Variants in DESI2 observed in about 807,000 individuals in gnomAD.
DESI2 encodes deubiquitinase DESI2.
DESI2 carries 10 observed loss-of-function variants against 24.1 expected under a neutral mutation model. The observed-to-expected ratio is 0.41, with a 90% confidence interval of 0.26 to 0.70. The LOEUF (loss-of-function observed/expected upper bound fraction) is 0.70. Ranked by LOEUF, DESI2 falls within the 30% of genes least tolerant of loss-of-function variation. The pLI, the probability that DESI2 is intolerant of heterozygous loss-of-function variation, is 0.29. For missense variants in DESI2, 122 were observed against 234.9 expected (o/e 0.52, Z 3.14); for synonymous variants, 71 against 87.7 (o/e 0.81, Z 1.06).
At chr1:244,655,815 A>G (rs187460155) in intron 1 of DESI2, among the ~76,000 whole-genome samples, 3 of 152,356 alleles carry the variant, frequency 2.0e-5, no homozygotes, top group Middle Eastern at 3.4e-3. Flanking sequence ...CAGTATAACT[A>G]GAGTAGAGCA....
chr1:244,703,056 C>T (rs371118955), intron 4 of DESI2, among the ~76,000 whole-genome samples: 1 of 141,954 alleles, frequency 7.0e-6, no homozygotes, highest in South Asian at 2.3e-4. Flanking sequence ...GGCTGGAGTG[C>T]AGTGGCACGA....
chr1:244,708,202 T>C lies in DESI2; in HGVS notation c.*2413T>C, dbSNP rs898634997. On this transcript the variant is annotated 3_prime_UTR_variant, in exon 5 of 5. Transcript: ENST00000302550. ...ATTAACATACATATGATACGGAGTC[T>C]CTTTGTTGTCACCAAGTGAACATAC... 6.6e-6 allele frequency: 1 copy of C among 152,500 alleles called. No homozygotes were observed. The highest frequency in any genetic ancestry group is 1.9e-4 in the East Asian group (1 of 5,182). 9.4% of individuals were successfully genotyped at this position (152,500 alleles called of 1,614,324 possible).
intron 1 of DESI2, among the ~76,000 whole-genome samples, chr1:244,676,821 T>C (rs931341239): frequency 1.3e-4 from 19 of 147,878 alleles, no homozygotes; most frequent in African/African-American, 4.7e-4. Flanking sequence ...ATTTTATATA[T>C]ATATATCATG....
In DESI2 at chr1:244,675,330, T is replaced by A. The variant is rs538001511; in HGVS notation, c.43-11267T>A. On this transcript the variant is annotated intron_variant, in intron 1 of 4. Coordinates refer to ENST00000302550, the MANE Select transcript of DESI2 (RefSeq NM_016076.5). ...ATCAATTTTTTTCTTTTGTTGCTTTTGCTTTTGGTGTCATATCTATGAAGC... is the reference window on the plus strand; with the variant it reads ...ATCAATTTTTTTCTTTTGTTGCTTTAGCTTTTGGTGTCATATCTATGAAGC... 1.8e-4 allele frequency among the ~76,000 whole-genome samples: 28 copies of A among 152,346 alleles called. No homozygotes were observed. In the East Asian group the frequency reaches 2.5e-3, roughly 14 times the overall value.
intron 1 of DESI2, chr1:244,654,086 T>G: frequency 4.3e-6 from 2 of 465,320 alleles, no homozygotes; most frequent in South Asian, 3.1e-5. Flanking sequence ...TATTGTATCA[T>G]CTAACTTTGG....
intron 1 of DESI2, among the ~76,000 whole-genome samples, chr1:244,681,692 G>A (rs950066865): frequency 2.6e-5 from 4 of 152,220 alleles, no homozygotes; most frequent in African/African-American, 9.7e-5. Flanking sequence ...CTCAGTTTGA[G>A]ATTTCTTTGC....
intron 1 of DESI2, among the ~76,000 whole-genome samples, chr1:244,660,632 G>A (rs527904538): frequency 2.4e-3 from 362 of 152,238 alleles, no homozygotes; most frequent in Admixed American, 4.2e-3. Context: ...TGTAAGAAAG[G>A]CAAAAATAAT....
chr1:244,678,344 G>C (rs1204707256), intron 1 of DESI2, among the ~76,000 whole-genome samples: 1 of 152,118 alleles, frequency 6.6e-6, no homozygotes, highest in African/African-American at 2.4e-5. Flanking sequence ...GGAATTTTCA[G>C]ACTGAAGAAG....
intron 1 of DESI2, among the ~76,000 whole-genome samples, chr1:244,668,296 CT>C (rs1386962890): frequency 6.6e-6 from 1 of 152,108 alleles, no homozygotes; most frequent in Admixed American, 6.5e-5. Context: ...AATAGTGTTT[CT>C]CAATTTTTAT....
At chr1:244,654,003 A>G (rs937503752) in intron 1 of DESI2, 2 of 471,198 alleles carry the variant, frequency 4.2e-6, no homozygotes, top group Non-Finnish European at 4.4e-6. Context: ...CTCCTTTCCT[A>G]CACTCTGAAG....
At chr1:244,692,137 A>AAAT (rs1677051385) in intron 4 of DESI2, 117 bp downstream of exon 4, 1 of 915,780 alleles carries the variant, frequency 1.1e-6, no homozygotes, top group African/African-American at 1.7e-5. Context: ...GTGTTGTATG[A>AAAT]AATATGGTAT....
rs189819909 is a variant in DESI2 at position 244,688,727 on chromosome 1, T to G, written c.116-522T>G. 1.2e-4 allele frequency among the ~76,000 whole-genome samples: 19 copies of G among 152,320 alleles called. No homozygotes were observed. The East Asian group carries it at 3.7e-3, about 29-fold the overall frequency. ...GGGTGGATGGGTATGTGTGTTAATTTGGCAGTTTATTTTTTTCTTACATGA... is the reference window on the plus strand; with the variant it reads ...GGGTGGATGGGTATGTGTGTTAATTGGGCAGTTTATTTTTTTCTTACATGA... On this transcript the variant is annotated intron_variant, in intron 2 of 4. Coordinates refer to ENST00000302550, the MANE Select transcript of DESI2 (RefSeq NM_016076.5).
At chr1:244,679,417 A>G (rs978981632) in intron 1 of DESI2, among the ~76,000 whole-genome samples, 2 of 152,188 alleles carry the variant, frequency 1.3e-5, no homozygotes, top group Admixed American at 1.3e-4. Flanking sequence ...GAAGAGTACA[A>G]TCTGTATATA....
chr1:244,670,137 A>G (rs1009254622), intron 1 of DESI2, among the ~76,000 whole-genome samples: 1 of 151,946 alleles, frequency 6.6e-6, no homozygotes, highest in South Asian at 2.1e-4. Flanking sequence ...TTGTATTTTT[A>G]GTAGAGATGG....
Position 244,689,441 on chromosome 1 carries a change from G to C in DESI2, c.209+99G>C. On this transcript the variant is annotated intron_variant, in intron 3 of 4. Transcript: ENST00000302550. The surrounding 1 kb of genome is among the most constrained non-coding windows in gnomAD (Gnocchi z 4.0). ...CTGTAAATCAAAACAAACCCAAGAA[G>C]TTAAAAATGTCTCTTTGTTTTAATT... 1 of 598,258 alleles carries C rather than the reference G, an allele frequency of 1.7e-6. No homozygotes were observed. The highest frequency in any genetic ancestry group is 3.0e-6 in the Non-Finnish European group (1 of 333,074). 37.1% of individuals were successfully genotyped at this position (598,258 alleles called of 1,614,324 possible).
At chr1:244,687,405 C>T (rs1558662637) in intron 2 of DESI2, among the ~76,000 whole-genome samples, 1 of 152,176 alleles carries the variant, frequency 6.6e-6, no homozygotes, top group Non-Finnish European at 1.5e-5. Context: ...CTGCGTAAGA[C>T]AGATCACATT....
At chr1:244,667,542 A>G (rs1180015515) in intron 1 of DESI2, among the ~76,000 whole-genome samples, 1 of 152,228 alleles carries the variant, frequency 6.6e-6, no homozygotes, top group Non-Finnish European at 1.5e-5. Context: ...AGAGGCACAG[A>G]TAAGTTAACT....
chr1:244,673,199 C>A (rs1194036038), intron 1 of DESI2, among the ~76,000 whole-genome samples: 1 of 152,122 alleles, frequency 6.6e-6, no homozygotes, highest in Non-Finnish European at 1.5e-5. Flanking sequence ...GCCTTCCAGG[C>A]GTGTTCTCTA....
intron 1 of DESI2, among the ~76,000 whole-genome samples, chr1:244,658,535 C>T (rs1378219272): frequency 3.3e-5 from 5 of 152,176 alleles, no homozygotes; most frequent in Admixed American, 2.0e-4. Context: ...TGCATCCCAC[C>T]AGACTGTGAG....
Sources: gnomAD v4.1 joint callset for allele counts (sites outside exome capture counted in the v4.1 genomes callset) on GRCh38, gnomAD v4.1.1 for gene constraint, Gnocchi (gnomAD v3.1) non-coding constraint, MANE v1.5 for transcripts, NCBI Gene and HGNC (gene_info 2026-07-23, HGNC 2026-07-21) for gene names.